Variants in FTO observed in about 807,000 individuals in gnomAD.
The protein encoded by FTO is alpha-ketoglutarate-dependent dioxygenase FTO.
Under a neutral mutation model 63.9 loss-of-function variants are expected in FTO, and 47 were observed. That is an observed-to-expected ratio of 0.74 (90% CI 0.58 to 0.94). FTO has a LOEUF of 0.94. Among genes scored for constraint, FTO ranks in the 40% least tolerant of loss-of-function variants. The pLI is 0.00. For missense variants in FTO, 562 were observed against 618.1 expected (o/e 0.91, Z 0.96); for synonymous variants, 207 against 224.4 (o/e 0.92, Z 0.69).
chr16:54,076,917 T>C (rs1425849449), intron 8 of FTO, among the ~76,000 whole-genome samples: 3 of 152,340 alleles, frequency 2.0e-5, no homozygotes, highest in Middle Eastern at 3.4e-3. Context: ...ACCACTCTTT[T>C]TGAAAGCTCT....
intron 1 of FTO, among the ~76,000 whole-genome samples, chr16:53,771,807 A>C (rs117232269): frequency 6.4e-4 from 97 of 152,276 alleles, no homozygotes; most frequent in Non-Finnish European, 1.1e-3. Flanking sequence ...TACTGGTACC[A>C]TGCTATAAAA....
intron 8 of FTO, among the ~76,000 whole-genome samples, chr16:53,956,051 T>TA (rs1455256245): frequency 6.6e-6 from 1 of 152,232 alleles, no homozygotes; most frequent in African/African-American, 2.4e-5. Flanking sequence ...GGTTTGTGTG[T>TA]ATCTTTAATT....
chr16:53,809,186 G>A (rs766241171), intron 1 of FTO, among the ~76,000 whole-genome samples: 7 of 152,180 alleles, frequency 4.6e-5, no homozygotes, highest in African/African-American at 1.2e-4. Context: ...TCTTGAAACA[G>A]CCTCAGACAA....
At chr16:53,747,312 G>A (rs1311396895) in intron 1 of FTO, among the ~76,000 whole-genome samples, 2 of 152,140 alleles carry the variant, frequency 1.3e-5, no homozygotes, top group African/African-American at 4.8e-5. Flanking sequence ...CCCACCAACA[G>A]ATTGCAGGGG....
chr16:54,062,405 C>A (rs2085601071), intron 8 of FTO, among the ~76,000 whole-genome samples: 3 of 152,074 alleles, frequency 2.0e-5, no homozygotes, highest in African/African-American at 7.2e-5. Flanking sequence ...ACCTTGGAAG[C>A]TGAAGAGGAG....
intron 2 of FTO, among the ~76,000 whole-genome samples, chr16:53,812,334 G>A (rs566941127): frequency 5.3e-5 from 8 of 149,852 alleles, no homozygotes; most frequent in South Asian, 2.1e-4. Context: ...GCAGTGGCGC[G>A]ATCTGAGCTC....
At chr16:54,015,682 C>A (rs146871305) in intron 8 of FTO, among the ~76,000 whole-genome samples, 1 of 152,328 alleles carries the variant, frequency 6.6e-6, no homozygotes, top group East Asian at 1.9e-4. Flanking sequence ...TTACCATATG[C>A]CAAATACCGT....
chr16:53,857,082 T>C (rs964435575), intron 4 of FTO, among the ~76,000 whole-genome samples: 4 of 150,412 alleles, frequency 2.7e-5, no homozygotes, highest in African/African-American at 9.9e-5. Flanking sequence ...ATTTTTTTTT[T>C]CTCCCAGCTT....
chr16:53,954,749 A>G lies in FTO; in HGVS notation c.1364+20640A>G, dbSNP rs115987363. Among the ~76,000 whole-genome samples, 338 of 152,074 alleles carry G rather than the reference A, an allele frequency of 2.2e-3. 2 individuals are homozygous for G. The highest frequency in any genetic ancestry group is 7.5e-3 in the African/African-American group (312 of 41,480). ...TCACAGTAGAGCCCATGGGCTGTTG[A>G]GCCGGAAGTGGTGCAGCAGGGGCAT... On this transcript the variant is annotated intron_variant, in intron 8 of 8. Transcript: ENST00000471389.
At chr16:54,035,921 C>T (rs1039428108) in intron 8 of FTO, among the ~76,000 whole-genome samples, 7 of 151,962 alleles carry the variant, frequency 4.6e-5, no homozygotes, top group African/African-American at 9.7e-5. Context: ...GTTTTGAGGT[C>T]GGGATTTTGT....
intron 7 of FTO, among the ~76,000 whole-genome samples, chr16:53,911,640 G>C (rs958213274): frequency 1.3e-5 from 2 of 152,240 alleles, no homozygotes; most frequent in Non-Finnish European, 2.9e-5. Flanking sequence ...ACTGTAGCCA[G>C]ACATGTGGTA....
In FTO at chr16:53,742,274, C is replaced by T. The variant is rs374259684; in HGVS notation, c.45+38045C>T. Among the ~76,000 whole-genome samples, 21 of 152,232 alleles carry T rather than the reference C, an allele frequency of 1.4e-4. No individual in the cohort carries two copies. In the East Asian group the frequency reaches 3.1e-3, roughly 22 times the overall value. Reference sequence around the variant, plus strand: ...GGTGGGTAGACCTTCAGGCATTGGCCTGGCAGGAAGGGTCAATACCAGCCC... The same window carrying T: ...GGTGGGTAGACCTTCAGGCATTGGCTTGGCAGGAAGGGTCAATACCAGCCC... On this transcript the variant is annotated intron_variant, in intron 1 of 8. Coordinates refer to ENST00000471389, the MANE Select transcript of FTO (RefSeq NM_001080432.3).
chr16:53,739,881 A>T (rs984978272), intron 1 of FTO, among the ~76,000 whole-genome samples: 3 of 152,174 alleles, frequency 2.0e-5, no homozygotes, highest in African/African-American at 7.2e-5. Context: ...ATTTGCATGT[A>T]CTTAAAAACA....
chr16:54,096,063 G>C (rs1443975858), intron 8 of FTO, among the ~76,000 whole-genome samples: 1 of 152,178 alleles, frequency 6.6e-6, no homozygotes, highest in African/African-American at 2.4e-5. Flanking sequence ...ACTTGGTGTA[G>C]TTCTCTACTG....
intron 8 of FTO, among the ~76,000 whole-genome samples, chr16:53,982,838 A>G (rs984104834): frequency 6.6e-6 from 1 of 152,214 alleles, no homozygotes; most frequent in Non-Finnish European, 1.5e-5. Flanking sequence ...TTCTGCTAAC[A>G]TGAAAATAAG....
At chr16:54,088,887 G>A (rs1432742339) in intron 8 of FTO, among the ~76,000 whole-genome samples, 77 of 152,186 alleles carry the variant, frequency 5.1e-4, no homozygotes, top group Admixed American at 5.0e-3. Flanking sequence ...GTTATAAAGA[G>A]TTGTCACTGA....
chr16:53,811,915 C>A (rs1046838690), intron 2 of FTO, among the ~76,000 whole-genome samples: 1 of 152,106 alleles, frequency 6.6e-6, no homozygotes, highest in Non-Finnish European at 1.5e-5. Flanking sequence ...TGGGCCCATG[C>A]GATTCTCCCA....
chr16:53,763,257 T>TA (rs1219444369), intron 1 of FTO, among the ~76,000 whole-genome samples: 2 of 152,194 alleles, frequency 1.3e-5, no homozygotes, highest in African/African-American at 2.4e-5. Flanking sequence ...TCCATTTTTT[T>TA]AAATAAGGAT....
intron 8 of FTO, among the ~76,000 whole-genome samples, chr16:53,947,855 T>C (rs776103113): frequency 1.3e-5 from 2 of 152,230 alleles, no homozygotes; most frequent in Non-Finnish European, 2.9e-5. Flanking sequence ...CTGCATGTTA[T>C]GCTAGCTTTA....
Sources: gnomAD v4.1 joint callset for allele counts (sites outside exome capture counted in the v4.1 genomes callset) on GRCh38, gnomAD v4.1.1 for gene constraint, MANE v1.5 for transcripts, NCBI Gene and HGNC (gene_info 2026-07-23, HGNC 2026-07-21) for gene names.